Variants in IHO1 observed in about 807,000 individuals in gnomAD.
The protein encoded by IHO1 is interactor of HORMAD1 protein 1.
Under a neutral mutation model 31.0 loss-of-function variants are expected in IHO1, and 13 were observed. The observed-to-expected ratio is 0.42, with a 90% CI of 0.27 to 0.67. IHO1 has a LOEUF of 0.67. IHO1 is among the 30% of genes least tolerant of loss of function. The probability of loss-of-function intolerance (pLI) is 0.24; values close to 1 mark genes in which losing one functional copy is unlikely to be tolerated. For synonymous variants in IHO1, 221 were observed against 248.4 expected, an observed-to-expected ratio of 0.89 and a Z score of 1.04; for missense variants, 599 against 687.5, an observed-to-expected ratio of 0.87 and a Z score of 1.44.
intron 6 of IHO1, among the ~76,000 whole-genome samples, chr3:49,248,074 G>T (rs553965750): frequency 6.9e-6 from 1 of 144,620 alleles, no homozygotes; most frequent in African/African-American, 2.6e-5. Flanking sequence ...GTAGTGAGCC[G>T]AGATGGCGCC....
intron 6 of IHO1, among the ~76,000 whole-genome samples, chr3:49,249,159 G>A (rs2046730742): frequency 6.6e-6 from 1 of 152,154 alleles, no homozygotes; most frequent in African/African-American, 2.4e-5. Context: ...TTCAGCTGAG[G>A]ACACTAAGGA....
chr3:49,196,291 A>G (rs2045995745), upstream of IHO1, among the ~76,000 whole-genome samples: 1 of 149,570 alleles, frequency 6.7e-6, no homozygotes, highest in Non-Finnish European at 1.5e-5. Flanking sequence ...GGGAGGACCG[A>G]ATGGAGCTTC....
intron 2 of IHO1, among the ~76,000 whole-genome samples, chr3:49,212,249 A>G (rs1347415835): frequency 1.3e-5 from 2 of 151,078 alleles, no homozygotes; most frequent in Non-Finnish European, 2.9e-5. Flanking sequence ...GCTCACGCCT[A>G]TAATCCCAGC....
chr3:49,200,557 C>CAGATG, intron 1 of IHO1: 1 of 978,094 alleles, frequency 1.0e-6, no homozygotes, highest in Non-Finnish European at 1.2e-6. Flanking sequence ...CGACGGTGGT[C>CAGATG]AGATGAGGTA....
chr3:49,240,519 C>T (rs774589240), intron 3 of IHO1, among the ~76,000 whole-genome samples: 4 of 152,226 alleles, frequency 2.6e-5, no homozygotes, highest in East Asian at 3.9e-4. Flanking sequence ...CCACCACACC[C>T]GACCAATTTT....
At chr3:49,235,906 G>A (rs2046553740) in intron 2 of IHO1, among the ~76,000 whole-genome samples, 1 of 148,366 alleles carries the variant, frequency 6.7e-6, no homozygotes, top group Non-Finnish European at 1.5e-5. Flanking sequence ...TGCCAGCCTG[G>A]GCAACAGAGT....
At position 49,228,443 on chromosome 3, in the gene IHO1, G is replaced by A. The variant is rs2046441203; in HGVS notation, c.57-8105G>A. 8 of 372,714 alleles carry A rather than the reference G, an allele frequency of 2.1e-5. No homozygotes were observed. The Admixed American group carries it at 2.5e-4, about 12-fold the overall frequency. 23.1% of individuals were successfully genotyped at this position (372,714 alleles called of 1,614,324 possible). A position where few individuals can be genotyped will look rare whatever the true frequency, so the allele number is the denominator to read the frequency against. On this transcript the variant is annotated intron_variant, in intron 2 of 7. Coordinates refer to ENST00000452691, the MANE Select transcript of IHO1 (RefSeq NM_001135197.2). ...CTGGCCGACAGGTGCCCGGTATTTA[G>A]CCCCTGAATTCTAAGGAAAAATAGA...
chr3:49,195,672 C>T (rs944091299), upstream of IHO1, among the ~76,000 whole-genome samples: 1 of 151,810 alleles, frequency 6.6e-6, no homozygotes, highest in African/African-American at 2.4e-5. Context: ...TGAGATCACG[C>T]CACTGCACTC....
chr3:49,223,783 C>T (rs2046384101), intron 2 of IHO1, among the ~76,000 whole-genome samples: 1 of 152,176 alleles, frequency 6.6e-6, no homozygotes, highest in Non-Finnish European at 1.5e-5. Flanking sequence ...TAATTGCTTC[C>T]TGAGCCTTCT....
chr3:49,245,129 C>T (rs903780121), intron 6 of IHO1: 2 of 406,770 alleles, frequency 4.9e-6, no homozygotes, highest in Non-Finnish European at 8.8e-6. Context: ...GTACCTGCTG[C>T]TCTTCTTGCT....
rs1419808771 is a variant in IHO1 at position 49,204,155 on chromosome 3, A to G, written c.-16+4582A>G. ...CCGGTTTACCCACTTACATTAATCT[A>G]TTCATGAGGCTGGAGTCCTCATGGC... On this transcript the variant is annotated intron_variant, in intron 1 of 7. Coordinates refer to ENST00000452691, the MANE Select transcript of IHO1 (RefSeq NM_001135197.2). Among the ~76,000 whole-genome samples the G allele has an allele frequency of 2.0e-5, 3 of 152,154 alleles. No homozygotes were observed. The East Asian group carries it at 5.8e-4, about 29-fold the overall frequency.
chr3:49,241,756 G>A (rs1032187569), intron 4 of IHO1, among the ~76,000 whole-genome samples: 2 of 152,002 alleles, frequency 1.3e-5, no homozygotes, highest in African/African-American at 4.8e-5. Flanking sequence ...GAGTAGCTGG[G>A]ACTACAGGCG....
At chr3:49,200,389 T>G (rs1157218285) in intron 1 of IHO1, among the ~76,000 whole-genome samples, 6 of 148,044 alleles carry the variant, frequency 4.1e-5, no homozygotes, top group Admixed American at 6.9e-5. Flanking sequence ...CACTAGAACC[T>G]GGGAGGCGGA....
chr3:49,192,043 G>C, the IHO1 span, among the ~76,000 whole-genome samples: 1 of 152,194 alleles, frequency 6.6e-6, no homozygotes, highest in Non-Finnish European at 1.5e-5. Context: ...CTCCATGGTA[G>C]AGTCTAATGG....
At chr3:49,237,887 CTTTTTT>C (rs574951773) in intron 3 of IHO1, among the ~76,000 whole-genome samples, 273 of 51,366 alleles carry the variant, frequency 5.3e-3, no homozygotes, top group African/African-American at 0.019. Flanking sequence ...CTGTCTTTTC[CTTTTTT>C]TTTTTTTTTT....
chr3:49,237,262 G>A (rs918253284), intron 3 of IHO1, among the ~76,000 whole-genome samples: 9 of 151,986 alleles, frequency 5.9e-5, no homozygotes, highest in Admixed American at 4.6e-4. Context: ...GCAGAGAATC[G>A]CTTGAACTCA....
chr3:49,242,369 C>T (rs910097795), intron 4 of IHO1, among the ~76,000 whole-genome samples: 8 of 151,938 alleles, frequency 5.3e-5, no homozygotes, highest in South Asian at 2.1e-4. Flanking sequence ...CTCAAGCAGT[C>T]GTCCCACCTC....
At chr3:49,202,280 CAG>C (rs1396686498) in intron 1 of IHO1, among the ~76,000 whole-genome samples, 1 of 150,422 alleles carries the variant, frequency 6.6e-6, no homozygotes, top group East Asian at 1.9e-4. Flanking sequence ...GAGAAAAAAG[CAG>C]GGGAGAGCCA....
At chr3:49,241,513 C>A in intron 4 of IHO1, 124 bp downstream of exon 4, 5 of 769,008 alleles carry the variant, frequency 6.5e-6, no homozygotes, top group Admixed American at 3.1e-5. Context: ...TCCAGAGAAA[C>A]CAAACCATAG....
Sources: allele counts gnomAD v4.1 joint callset (sites outside exome capture counted in the v4.1 genomes callset), GRCh38; gene constraint gnomAD v4.1.1; transcripts MANE v1.5; gene names NCBI Gene and HGNC (gene_info 2026-07-23, HGNC 2026-07-21).